RANBP10: variants seen among roughly 807,000 people sequenced by gnomAD.
RANBP10 encodes the protein ran-binding protein 10.
Under a neutral mutation model 72.8 loss-of-function variants are expected in RANBP10, and 24 were observed. The observed-to-expected ratio is 0.33, with a 90% confidence interval of 0.24 to 0.46. RANBP10 has a LOEUF of 0.46. Ranked by LOEUF, RANBP10 falls within the 20% of genes least tolerant of loss-of-function variation. The probability of loss-of-function intolerance (pLI) is 1.00; values close to 1 mark genes in which losing one functional copy is unlikely to be tolerated. For missense variants in RANBP10, 679 were observed against 817.5 expected, an observed-to-expected ratio of 0.83 and a Z score of 2.07; for synonymous variants, 310 against 322.3, an observed-to-expected ratio of 0.96 and a Z score of 0.41.
chr16:67,741,880 A>T (rs779441884), intron 4 of RANBP10, among the ~76,000 whole-genome samples: 1 of 152,212 alleles, frequency 6.6e-6, no homozygotes, highest in Non-Finnish European at 1.5e-5. Flanking sequence ...ATTATTGATA[A>T]GATGGCTTGG....
At chr16:67,734,472 C>G (rs1034684119) in intron 6 of RANBP10, among the ~76,000 whole-genome samples, 5 of 152,210 alleles carry the variant, frequency 3.3e-5, no homozygotes, top group African/African-American at 1.2e-4. Flanking sequence ...GTGAGGTGGC[C>G]TCAGGCCAGA....
chr16:67,788,685 T>C (rs1002682312), intron 2 of RANBP10, among the ~76,000 whole-genome samples: 1 of 151,204 alleles, frequency 6.6e-6, no homozygotes, highest in South Asian at 2.1e-4. Flanking sequence ...CCACCGCTCC[T>C]GCCCCCAAAA....
Position 67,806,491 on chromosome 16 carries a change from C to T in RANBP10, c.46G>A (p.Gly16Arg). ...CCAGCGCCCCCGCCGGAGGAGTCCC[C>T]AGGCTGCGGGTTCCCAGCTCCCGGG... ...ADPGAGNPQP[G>R]DSSGGGAGGG... The change falls in exon 1 of 14, where the codon GGG becomes AGG. Residue 16 changes from glycine to arginine, a missense_variant. By Grantham distance (125) the Gly-to-Arg change is moderately radical. Coordinates refer to ENST00000317506, the MANE Select transcript of RANBP10 (RefSeq NM_020850.3). The T allele has an allele frequency of 6.5e-7, 1 of 1,539,028 alleles. No individual in the cohort carries two copies. Among genetic ancestry groups the T allele is most frequent in the Non-Finnish European group, 8.7e-7 (1 of 1,148,888 alleles).
chr16:67,735,444 C>G (rs529332842), intron 5 of RANBP10, among the ~76,000 whole-genome samples: 17 of 152,220 alleles, frequency 1.1e-4, no homozygotes, highest in Admixed American at 3.3e-4. Context: ...CCAAGGATCT[C>G]TCTGTCTCAA....
intron 2 of RANBP10, among the ~76,000 whole-genome samples, chr16:67,775,304 C>A (rs567102792): frequency 1.3e-5 from 2 of 152,068 alleles, no homozygotes; most frequent in Non-Finnish European, 2.9e-5. Flanking sequence ...AAGAGAGACT[C>A]CGCTTCGAAA....
intron 3 of RANBP10, among the ~76,000 whole-genome samples, chr16:67,770,540 A>G (rs2054589517): frequency 6.6e-6 from 1 of 152,188 alleles, no homozygotes; most frequent in South Asian, 2.1e-4. Flanking sequence ...TCTGTGTCAT[A>G]GGCACAAAGA....
intron 3 of RANBP10, among the ~76,000 whole-genome samples, chr16:67,747,787 G>A (rs142917696): frequency 0.013 from 2,037 of 151,186 alleles, 31 homozygotes; most frequent in Non-Finnish European, 0.021. Context: ...TTATAGGCAT[G>A]AGCCATGGCG....
chr16:67,778,343 C>G (rs572916634), intron 2 of RANBP10, among the ~76,000 whole-genome samples: 49 of 151,906 alleles, frequency 3.2e-4, no homozygotes, highest in Middle Eastern at 3.4e-3. Flanking sequence ...GAGCGAAACT[C>G]TGTCTAAAAT....
At chr16:67,750,564 A>G (rs1194195305) in intron 3 of RANBP10, among the ~76,000 whole-genome samples, 1 of 152,146 alleles carries the variant, frequency 6.6e-6, no homozygotes, top group African/African-American at 2.4e-5. Flanking sequence ...TCCAGTGCCC[A>G]GCATGTCAGG....
Position 67,755,430 on chromosome 16 carries a change from T to C in RANBP10, c.401-10975A>G, listed in dbSNP as rs189786350. Among the ~76,000 whole-genome samples the C allele has an allele frequency of 2.7e-3, 418 of 152,122 alleles. 4 individuals are homozygous for C. Among genetic ancestry groups the C allele is most frequent in the African/African-American group, 9.7e-3 (402 of 41,486 alleles). On this transcript the variant is annotated intron_variant, in intron 3 of 13. Coordinates refer to ENST00000317506, the MANE Select transcript of RANBP10 (RefSeq NM_020850.3). ...TGGGCACGGTGGCTCACACCTGTAATCCCAGCACTTTGGGAGGCCGAGGTG... is the reference window on the plus strand; with the variant it reads ...TGGGCACGGTGGCTCACACCTGTAACCCCAGCACTTTGGGAGGCCGAGGTG...
intron 2 of RANBP10, among the ~76,000 whole-genome samples, chr16:67,799,426 T>A (rs1335920694): frequency 6.6e-6 from 1 of 151,764 alleles, no homozygotes; most frequent in Non-Finnish European, 1.5e-5. Flanking sequence ...TAGCTGGGAC[T>A]ACAGGCGCCC....
At chr16:67,744,821 T>C (rs1213357706) in intron 3 of RANBP10, among the ~76,000 whole-genome samples, 1 of 152,132 alleles carries the variant, frequency 6.6e-6, no homozygotes, top group African/African-American at 2.4e-5. Flanking sequence ...TTGTTTAAAA[T>C]GTTTTTTTTG....
chr16:67,795,454 G>A (rs552604627), intron 2 of RANBP10, among the ~76,000 whole-genome samples: 11 of 152,052 alleles, frequency 7.2e-5, no homozygotes, highest in Admixed American at 3.9e-4. Flanking sequence ...CAGGAGAATC[G>A]CTTGAACCCG....
At chr16:67,739,000 C>T (rs1447795789) in intron 4 of RANBP10, 1 of 152,220 alleles carries the variant, frequency 6.6e-6, no homozygotes, top group African/African-American at 2.4e-5. Flanking sequence ...CACTCTGTCG[C>T]CCAGGCTGGA....
chr16:67,763,069 C>T (rs1244913263), intron 3 of RANBP10, among the ~76,000 whole-genome samples: 1 of 152,196 alleles, frequency 6.6e-6, no homozygotes, highest in Non-Finnish European at 1.5e-5. Flanking sequence ...GCACCCTACA[C>T]AGCCATGCTG....
intron 3 of RANBP10, among the ~76,000 whole-genome samples, chr16:67,758,331 C>T (rs1180881536): frequency 6.6e-6 from 1 of 152,210 alleles, no homozygotes; most frequent in Non-Finnish European, 1.5e-5. Flanking sequence ...CATCAGCTTG[C>T]CAGGCTAGGT....
intron 4 of RANBP10, among the ~76,000 whole-genome samples, chr16:67,739,528 G>A (rs1812221011): frequency 6.6e-6 from 1 of 152,138 alleles, no homozygotes; most frequent in African/African-American, 2.4e-5. Context: ...GTTCCAAGCT[G>A]GCAAAGTTCA....
chr16:67,788,433 T>G (rs2054958619), intron 2 of RANBP10, among the ~76,000 whole-genome samples: 1 of 148,860 alleles, frequency 6.7e-6, no homozygotes, highest in Non-Finnish European at 1.5e-5. Context: ...TTTGTTGTAT[T>G]TTTTTAGTAG....
Position 67,730,021 on chromosome 16 carries a change from G to C in RANBP10, c.915C>G (p.Gly305=). 1.9e-6 allele frequency: 3 copies of C among 1,612,986 alleles called. No homozygotes were observed. In the East Asian group the frequency reaches 6.7e-5, roughly 36 times the overall value. ...TGGTCTCGATGGCCTCGCCCACACG[G>C]CCCTCCAGCACCAGCTTCTGGATCT... ...RQKIQKLVLE[G]RVGEAIETTQ... Residue 305 remains glycine (G), a synonymous_variant, in exon 8 of 14, where the codon GGC becomes GGG. Transcript: ENST00000317506. This position sits in a 1 kb window ranked among gnomAD's most constrained non-coding sequence, Gnocchi z 4.3.
Sources: gnomAD v4.1 joint callset for allele counts (sites outside exome capture counted in the v4.1 genomes callset) on GRCh38, gnomAD v4.1.1 for gene constraint, Gnocchi (gnomAD v3.1) non-coding constraint, MANE v1.5 for transcripts, NCBI Gene and HGNC (gene_info 2026-07-23, HGNC 2026-07-21) for gene names.